Variants in PRKN observed in about 807,000 individuals in gnomAD.
The protein encoded by PRKN is E3 ubiquitin-protein ligase parkin.
Under a neutral mutation model 59.5 loss-of-function variants are expected in PRKN, and 56 were observed. The ratio of observed to expected loss-of-function variants is 0.94; its 90% CI spans 0.76 to 1.18. The LOEUF is 1.18. Among genes scored for constraint, PRKN ranks in the 50% most tolerant of loss-of-function variants. The probability of loss-of-function intolerance (pLI) is 0.00; values close to 1 mark genes in which losing one functional copy is unlikely to be tolerated. For missense variants in PRKN, 657 were observed against 596.4 expected (o/e 1.10, Z -1.06); for synonymous variants, 250 against 222.1 (o/e 1.13, Z -1.12).
chr6:162,547,999 C>T (rs1779184029), intron 1 of PRKN, among the ~76,000 whole-genome samples: 1 of 152,174 alleles, frequency 6.6e-6, no homozygotes, highest in Admixed American at 6.5e-5. Flanking sequence ...GGGATCGAGA[C>T]ACCATTAACC....
At chr6:162,151,110 A>G (rs922782429) in intron 4 of PRKN, among the ~76,000 whole-genome samples, 1 of 152,196 alleles carries the variant, frequency 6.6e-6, no homozygotes, top group Non-Finnish European at 1.5e-5. Flanking sequence ...GCCGTCCACA[A>G]TACTGAAGAA....
At chr6:162,694,179 G>A (rs1156451695) in intron 1 of PRKN, among the ~76,000 whole-genome samples, 10 of 149,626 alleles carry the variant, frequency 6.7e-5, no homozygotes, top group Middle Eastern at 3.5e-3. Flanking sequence ...TCTGGGAGGC[G>A]GAGCTTGCAG....
At chr6:161,726,786 C>T (rs569305562) in intron 7 of PRKN, among the ~76,000 whole-genome samples, 2 of 152,166 alleles carry the variant, frequency 1.3e-5, no homozygotes, top group East Asian at 3.9e-4. Context: ...CCCTAGAGGA[C>T]CCTATAGGCC....
intron 1 of PRKN, among the ~76,000 whole-genome samples, chr6:162,513,275 T>TC (rs1777706161): frequency 6.6e-6 from 1 of 151,818 alleles, no homozygotes; most frequent in Admixed American, 6.6e-5. Flanking sequence ...GGTGAGGAGT[T>TC]CTAGACCAGC....
intron 6 of PRKN, among the ~76,000 whole-genome samples, chr6:161,832,942 TAGTG>T (rs1252318754): frequency 6.6e-6 from 1 of 151,894 alleles, no homozygotes; most frequent in Non-Finnish European, 1.5e-5. Context: ...TGGGAGGTGA[TAGTG>T]AGTGTCCCCC....
chr6:162,603,100 T>C (rs1781773817), intron 1 of PRKN, among the ~76,000 whole-genome samples: 1 of 152,172 alleles, frequency 6.6e-6, no homozygotes, highest in Non-Finnish European at 1.5e-5. Context: ...CGTGGGGTGT[T>C]TCTTATGAAT....
At chr6:162,027,522 C>T (rs554681635) in intron 5 of PRKN, among the ~76,000 whole-genome samples, 1 of 152,244 alleles carries the variant, frequency 6.6e-6, no homozygotes, top group South Asian at 2.1e-4. Flanking sequence ...TAAGCAATAC[C>T]TTTATCCTGT....
At position 161,617,433 on chromosome 6, in the gene PRKN, T is replaced by C. The variant is rs141049896; in HGVS notation, c.872-48017A>G. Among the ~76,000 whole-genome samples the C allele has an allele frequency of 1.4e-4, 21 of 152,346 alleles. No homozygotes were observed. The East Asian group carries it at 3.9e-3, about 28-fold the overall frequency. ...TACTTAAAATATTTTTAGTACTGCATTGGCAAATCAGGAAAATGCTGATGA... is the reference window on the plus strand; with the variant it reads ...TACTTAAAATATTTTTAGTACTGCACTGGCAAATCAGGAAAATGCTGATGA... On this transcript the variant is annotated intron_variant, in intron 7 of 11. Transcript: ENST00000366898.
rs1164863469 is a variant in PRKN at position 161,545,765 on chromosome 6, G to C, written c.1083+3089C>G. Among the ~76,000 whole-genome samples, 2 of 152,196 alleles carry C rather than the reference G, an allele frequency of 1.3e-5. No homozygotes were observed. Among genetic ancestry groups the C allele is most frequent in the South Asian group, 2.1e-4 (1 of 4,836 alleles). Reference sequence around the variant, plus strand: ...GATTTTCTAGCAGTCAACTGTCAGAGGAAAACCTTATCAGCTGGTTTAACA... The same window carrying C: ...GATTTTCTAGCAGTCAACTGTCAGACGAAAACCTTATCAGCTGGTTTAACA... On this transcript the variant is annotated intron_variant, in intron 9 of 11. Coordinates refer to ENST00000366898, the MANE Select transcript of PRKN (RefSeq NM_004562.3). The surrounding 1 kb of genome is among the most constrained non-coding windows in gnomAD (Gnocchi z 4.1).
chr6:162,384,964 T>C (rs1413906615), intron 2 of PRKN, among the ~76,000 whole-genome samples: 2 of 152,140 alleles, frequency 1.3e-5, no homozygotes, highest in Non-Finnish European at 2.9e-5. Context: ...TGTCCCACTT[T>C]AGTATGAAGG....
At chr6:162,588,956 T>A (rs1342463764) in intron 1 of PRKN, among the ~76,000 whole-genome samples, 1 of 152,122 alleles carries the variant, frequency 6.6e-6, no homozygotes, top group Admixed American at 6.6e-5. Flanking sequence ...GTCATTACCG[T>A]CACTATGAGT....
chr6:161,683,689 C>G (rs933133031), intron 7 of PRKN, among the ~76,000 whole-genome samples: 1 of 152,178 alleles, frequency 6.6e-6, no homozygotes, highest in Non-Finnish European at 1.5e-5. Flanking sequence ...ACATGGAAAA[C>G]ATACTCTAAG....
At chr6:161,681,126 A>C (rs963519120) in intron 7 of PRKN, among the ~76,000 whole-genome samples, 1 of 151,928 alleles carries the variant, frequency 6.6e-6, no homozygotes, top group African/African-American at 2.4e-5. Context: ...ACGCCCAGTG[A>C]ATTTTTGTAT....
At chr6:161,862,363 T>C (rs953618718) in intron 6 of PRKN, among the ~76,000 whole-genome samples, 14 of 152,222 alleles carry the variant, frequency 9.2e-5, no homozygotes, top group African/African-American at 2.7e-4. Flanking sequence ...TTGGCAACTC[T>C]AAGTGGGAGC....
At chr6:162,578,021 G>C (rs1036061530) in intron 1 of PRKN, among the ~76,000 whole-genome samples, 2 of 152,000 alleles carry the variant, frequency 1.3e-5, no homozygotes, top group Non-Finnish European at 1.5e-5. Context: ...TATTGATGAG[G>C]GTGTGCAAAC....
intron 7 of PRKN, among the ~76,000 whole-genome samples, chr6:161,650,674 T>C (rs982341799): frequency 7.2e-5 from 11 of 152,206 alleles, no homozygotes; most frequent in African/African-American, 2.7e-4. Context: ...ATACGGCCAA[T>C]GAGGAATTTC....
At position 161,360,040 on chromosome 6, in the gene PRKN, C is replaced by T. The variant is rs770987966; in HGVS notation, c.1285+48G>A. 1.4e-5 allele frequency: 19 copies of T among 1,354,854 alleles called. No homozygotes were observed. The highest frequency in any genetic ancestry group is 4.3e-5 in the African/African-American group (3 of 70,042). The allele number at this position is 1,354,854 out of a possible 1,614,324, so 83.9% of individuals were successfully genotyped here. A position where few individuals can be genotyped will look rare whatever the true frequency, so the allele number is the denominator to read the frequency against. ...GGAATCCCTGATGGGTATGATTCTC[C>T]CCCAAAGAGCACACGACATCCTCAT... On this transcript the variant is annotated intron_variant, in intron 11 of 11. Transcript: ENST00000366898. The surrounding 1 kb of genome is among the most constrained non-coding windows in gnomAD (Gnocchi z 5.1).
rs2115125507 is a variant in PRKN at position 161,451,667 on chromosome 6, G to T, written c.1084-64790C>A. 6.6e-6 allele frequency among the ~76,000 whole-genome samples: 1 copy of T among 152,298 alleles called. No individual in the cohort carries two copies. Among genetic ancestry groups the T allele is most frequent in the African/African-American group, 2.4e-5 (1 of 41,576 alleles). ...GAAAGTGGCAGTCAACAGTGGTTTTGTACAATGCGGATAAATATTAGAAAG... is the reference window on the plus strand; with the variant it reads ...GAAAGTGGCAGTCAACAGTGGTTTTTTACAATGCGGATAAATATTAGAAAG... On this transcript the variant is annotated intron_variant, in intron 9 of 11. Coordinates refer to ENST00000366898, the MANE Select transcript of PRKN (RefSeq NM_004562.3). The surrounding 1 kb of genome is among the most constrained non-coding windows in gnomAD (Gnocchi z 5.9).
chr6:162,720,924 G>A (rs1778919475), intron 1 of PRKN, among the ~76,000 whole-genome samples: 1 of 152,164 alleles, frequency 6.6e-6, no homozygotes, highest in South Asian at 2.1e-4. Context: ...ACATATCAAA[G>A]AAGGAGATAC....
Sources: gnomAD v4.1 joint callset for allele counts (sites outside exome capture counted in the v4.1 genomes callset) on GRCh38, gnomAD v4.1.1 for gene constraint, Gnocchi (gnomAD v3.1) non-coding constraint, MANE v1.5 for transcripts, NCBI Gene and HGNC (gene_info 2026-07-23, HGNC 2026-07-21) for gene names.